The following PHACTR1 variants were observed in gnomAD, a reference collection of about 807,000 sequenced individuals.
PHACTR1 encodes the protein phosphatase and actin regulator 1, also known as RPEL repeat containing 1.
A neutral mutation model predicts 69.2 loss-of-function variants in PHACTR1; 16 were observed. The observed-to-expected ratio is 0.23, with a 90% CI of 0.16 to 0.35. The LOEUF (loss-of-function observed/expected upper bound fraction) is 0.35. Ranked by LOEUF, PHACTR1 falls within the 10% of genes least tolerant of loss-of-function variation. The probability of loss-of-function intolerance (pLI) is 1.00; values close to 1 mark genes in which losing one functional copy is unlikely to be tolerated. For missense variants in PHACTR1, 510 were observed against 734.7 expected (o/e 0.69, Z 3.54); for synonymous variants, 312 against 284.5 (o/e 1.10, Z -0.97).
intron 4 of PHACTR1, among the ~76,000 whole-genome samples, chr6:12,986,779 C>T (rs868127550): frequency 2.0e-5 from 3 of 151,996 alleles, no homozygotes; most frequent in South Asian, 2.1e-4. Flanking sequence ...GAAGGGGAGG[C>T]GGTATTTGAG....
intron 7 of PHACTR1, among the ~76,000 whole-genome samples, chr6:13,195,117 G>A (rs1191197566): frequency 3.3e-5 from 5 of 152,122 alleles, no homozygotes; most frequent in African/African-American, 7.2e-5. Context: ...ATCCCTAGGC[G>A]GGCCTCGTGT....
chr6:13,238,071 A>T (rs891963266), intron 10 of PHACTR1, among the ~76,000 whole-genome samples: 5 of 152,182 alleles, frequency 3.3e-5, no homozygotes, highest in African/African-American at 1.2e-4. Flanking sequence ...TTAGGAATTT[A>T]GTTAGCTTGC....
chr6:12,812,747 G>T (rs190686384), intron 4 of PHACTR1, among the ~76,000 whole-genome samples: 1 of 152,288 alleles, frequency 6.6e-6, no homozygotes, highest in Admixed American at 6.5e-5. Flanking sequence ...ACCCTTGCTC[G>T]TGGTTTCCTG....
In PHACTR1 at chr6:12,903,586, T is replaced by C. The variant is rs115205705; in HGVS notation, c.251-149779T>C. On this transcript the variant is annotated intron_variant, in intron 4 of 14. Coordinates refer to ENST00000332995, the MANE Select transcript of PHACTR1 (RefSeq NM_030948.6). ...TCCCCACTGGTTTATTCTGCCCTCC[T>C]GGCCTTTGCCCTTAGAAAGGTTTAT... Among the ~76,000 whole-genome samples the C allele has an allele frequency of 7.6e-3, 1,163 of 152,374 alleles. 20 individuals carry two copies. The highest frequency in any genetic ancestry group is 0.025 in the African/African-American group (1,058 of 41,596).
chr6:12,764,239 G>T (rs1488387738), intron 4 of PHACTR1, among the ~76,000 whole-genome samples: 1 of 152,310 alleles, frequency 6.6e-6, no homozygotes, highest in Non-Finnish European at 1.5e-5. Flanking sequence ...TAATGCATTT[G>T]CTGCACACAA....
chr6:12,748,056 T>C (rs1237633964), intron 3 of PHACTR1, among the ~76,000 whole-genome samples: 2 of 152,090 alleles, frequency 1.3e-5, no homozygotes. Flanking sequence ...AGGACATGGA[T>C]AGAAGGCTTT....
intron 5 of PHACTR1, among the ~76,000 whole-genome samples, chr6:13,082,246 C>T (rs1002672379): frequency 7.9e-5 from 12 of 152,224 alleles, no homozygotes; most frequent in African/African-American, 2.6e-4. Flanking sequence ...CACTGAGTCA[C>T]CAATGGCTCC....
chr6:12,978,143 G>A (rs571507274), intron 4 of PHACTR1, among the ~76,000 whole-genome samples: 22 of 152,120 alleles, frequency 1.4e-4, no homozygotes, highest in Non-Finnish European at 2.5e-4. Flanking sequence ...GGCCTGGTTT[G>A]CAGCAGTGCC....
At chr6:13,104,472 G>A (rs551665045) in intron 5 of PHACTR1, among the ~76,000 whole-genome samples, 1 of 152,224 alleles carries the variant, frequency 6.6e-6, no homozygotes, top group South Asian at 2.1e-4. Flanking sequence ...AATGACATAT[G>A]ACAACTTAGC....
chr6:13,281,155 C>G, intron 12 of PHACTR1: 1 of 1,279,318 alleles, frequency 7.8e-7, no homozygotes, highest in Non-Finnish European at 1.0e-6. Flanking sequence ...TCACTCCAGA[C>G]TCTGCCATAG....
At chr6:12,834,520 A>C (rs967755726) in intron 4 of PHACTR1, among the ~76,000 whole-genome samples, 8 of 152,156 alleles carry the variant, frequency 5.3e-5, no homozygotes, top group Non-Finnish European at 1.2e-4. Context: ...TTACATTTTT[A>C]AACTACACAA....
At chr6:13,168,589 G>A (rs1760150070) in intron 6 of PHACTR1, among the ~76,000 whole-genome samples, 1 of 152,188 alleles carries the variant, frequency 6.6e-6, no homozygotes, top group Non-Finnish European at 1.5e-5. Flanking sequence ...CTGCTTGGCA[G>A]TTACAATGGA....
chr6:13,169,643 G>A (rs1296813457), intron 6 of PHACTR1, among the ~76,000 whole-genome samples: 3 of 152,184 alleles, frequency 2.0e-5, no homozygotes, highest in East Asian at 1.9e-4. Context: ...TGGGGACAAA[G>A]TGGCCCACAC....
chr6:13,257,861 G>A (rs1442573476), intron 10 of PHACTR1, among the ~76,000 whole-genome samples: 2 of 152,112 alleles, frequency 1.3e-5, no homozygotes, highest in African/African-American at 4.8e-5. Flanking sequence ...CTCCTGGAGA[G>A]AGCTTGTAAA....
intron 4 of PHACTR1, among the ~76,000 whole-genome samples, chr6:12,919,004 T>C (rs1787332918): frequency 6.6e-6 from 1 of 152,176 alleles, no homozygotes; most frequent in African/African-American, 2.4e-5. Flanking sequence ...TTTTTTGAAA[T>C]AGAGATGGAG....
rs576949863 is a variant in PHACTR1 at position 13,043,192 on chromosome 6, C to T, written c.251-10173C>T. The stretch of plus-strand genomic sequence containing the variant: ...CTGTAATCCCAGCACTTTGAGAGGC[C>T]GAGGTGGGTGGATCACTTGAGGTCA... On this transcript the variant is annotated intron_variant, in intron 4 of 14. Coordinates refer to ENST00000332995, the MANE Select transcript of PHACTR1 (RefSeq NM_030948.6). Among the ~76,000 whole-genome samples the T allele has an allele frequency of 5.9e-5, 9 of 152,222 alleles. No individual in the cohort carries two copies. In the South Asian group the frequency reaches 1.5e-3, roughly 25 times the overall value.
At position 12,896,810 on chromosome 6, in the gene PHACTR1, T is replaced by C. The variant is rs114909590; in HGVS notation, c.250+147020T>C. ...TTGATCCATGTGGTTCTTTCTTGCC[T>C]TTTAAGTGTCCTTCTTGTATTTTTT... is the stretch of plus-strand genomic sequence containing the variant. On this transcript the variant is annotated intron_variant, in intron 4 of 14. Transcript: ENST00000332995. Among the ~76,000 whole-genome samples, 637 of 152,336 alleles carry C rather than the reference T, an allele frequency of 4.2e-3. 2 individuals are homozygous for C. The highest frequency in any genetic ancestry group is 6.8e-3 in the Middle Eastern group (2 of 294).
chr6:12,762,439 C>T (rs781229170), intron 4 of PHACTR1, among the ~76,000 whole-genome samples: 19 of 152,228 alleles, frequency 1.2e-4, no homozygotes, highest in South Asian at 2.1e-4. Context: ...ACATAAATAA[C>T]GCTTGTTTAA....
intron 5 of PHACTR1, among the ~76,000 whole-genome samples, chr6:13,088,118 C>A (rs956555065): frequency 1.3e-5 from 2 of 152,036 alleles, no homozygotes; most frequent in Non-Finnish European, 2.9e-5. Flanking sequence ...AGACACAATT[C>A]CCGCACAGAG....
Sources: gnomAD v4.1 joint callset for allele counts (sites outside exome capture counted in the v4.1 genomes callset) on GRCh38, gnomAD v4.1.1 for gene constraint, MANE v1.5 for transcripts, NCBI Gene and HGNC (gene_info 2026-07-23, HGNC 2026-07-21) for gene names.